The following RGL1 variants were observed in gnomAD, a reference collection of about 807,000 sequenced individuals.
RGL1 encodes ral guanine nucleotide dissociation stimulator like 1, also known as ral guanine nucleotide dissociation stimulator-like 1.
RGL1 carries 24 observed loss-of-function variants against 95.2 expected under a neutral mutation model. That is an observed-to-expected ratio of 0.25 (90% CI 0.18 to 0.35). The LOEUF (loss-of-function observed/expected upper bound fraction) is 0.35. Ranked by LOEUF, RGL1 falls within the 10% of genes least tolerant of loss-of-function variation. The pLI is 1.00. For missense variants in RGL1, 715 were observed against 936.3 expected, an observed-to-expected ratio of 0.76 and a Z score of 3.08; for synonymous variants, 329 against 344.9, an observed-to-expected ratio of 0.95 and a Z score of 0.51.
chr1:183,746,810 C>T (rs1657667050), intron 2 of RGL1, among the ~76,000 whole-genome samples: 1 of 152,034 alleles, frequency 6.6e-6, no homozygotes, highest in Non-Finnish European at 1.5e-5. Flanking sequence ...CCCCATCCCC[C>T]AACAGGCCTA....
intron 1 of RGL1, among the ~76,000 whole-genome samples, chr1:183,732,623 A>G (rs1044377174): frequency 6.6e-6 from 1 of 152,202 alleles, no homozygotes; most frequent in African/African-American, 2.4e-5. Context: ...TAGTGAAAAT[A>G]TAATCTAGGA....
intron 6 of RGL1, among the ~76,000 whole-genome samples, chr1:183,884,163 G>A (rs1326151825): frequency 2.0e-5 from 3 of 152,172 alleles, no homozygotes; most frequent in African/African-American, 4.8e-5. Flanking sequence ...ATAAGAATTC[G>A]AATCCCTGTG....
chr1:183,888,009 A>G (rs73047588), intron 7 of RGL1, among the ~76,000 whole-genome samples: 2,125 of 152,288 alleles, frequency 0.014, 65 homozygotes, highest in African/African-American at 0.049. Context: ...TTGCCAAATT[A>G]TATACACCTC....
chr1:183,847,065 G>A (rs1452586388), intron 2 of RGL1, among the ~76,000 whole-genome samples: 1 of 152,090 alleles, frequency 6.6e-6, no homozygotes, highest in Non-Finnish European at 1.5e-5. Flanking sequence ...AGAAAGGTAG[G>A]AAACACGCAT....
At chr1:183,858,762 G>C (rs1280948556) in intron 3 of RGL1, among the ~76,000 whole-genome samples, 1 of 151,994 alleles carries the variant, frequency 6.6e-6, no homozygotes, top group Non-Finnish European at 1.5e-5. Context: ...CAATTCTTTT[G>C]CCTTTGGCCT....
intron 15 of RGL1, among the ~76,000 whole-genome samples, chr1:183,915,543 C>T (rs1365567892): frequency 6.6e-6 from 1 of 152,194 alleles, no homozygotes; most frequent in Non-Finnish European, 1.5e-5. Flanking sequence ...GTTGGCTCTA[C>T]TAGCAAATGT....
chr1:183,891,042 G>A (rs1001865479), intron 8 of RGL1, among the ~76,000 whole-genome samples: 2 of 152,048 alleles, frequency 1.3e-5, no homozygotes, highest in African/African-American at 2.4e-5. Context: ...GACATTTGTC[G>A]CTTTAAGTAG....
In RGL1 at chr1:183,910,731, C is replaced by A. The variant is rs139752884; in HGVS notation, c.1563-1351C>A. On this transcript the variant is annotated intron_variant, in intron 14 of 17. Transcript: ENST00000360851. ...ATTTTTTTCTTCAAGTTATTTAATCCTTCCACTGAGGTTTTAGTTTAAGTC... is the reference window on the plus strand; with the variant it reads ...ATTTTTTTCTTCAAGTTATTTAATCATTCCACTGAGGTTTTAGTTTAAGTC... 6.6e-5 allele frequency among the ~76,000 whole-genome samples: 10 copies of A among 152,156 alleles called. No homozygotes were observed. The East Asian group carries it at 1.9e-3, about 29-fold the overall frequency.
At chr1:183,924,635 A>T (rs531289255) in intron 17 of RGL1, among the ~76,000 whole-genome samples, 5 of 152,200 alleles carry the variant, frequency 3.3e-5, no homozygotes, top group South Asian at 2.1e-4. Flanking sequence ...AAAATAAAAT[A>T]AAAATTAAAA....
At chr1:183,921,805 C>A (rs117880448) in intron 16 of RGL1, among the ~76,000 whole-genome samples, 1 of 152,154 alleles carries the variant, frequency 6.6e-6, no homozygotes, top group Non-Finnish European at 1.5e-5. Flanking sequence ...GGCAGAACTG[C>A]GACCATTTTT....
chr1:183,855,447 T>C (rs79361499), intron 3 of RGL1, among the ~76,000 whole-genome samples: 3,396 of 152,336 alleles, frequency 0.022, 115 homozygotes, highest in African/African-American at 0.072. Flanking sequence ...ATAATTGAAT[T>C]TTTTATTTAG....
At chr1:183,868,088 C>T (rs762005547) in intron 4 of RGL1, among the ~76,000 whole-genome samples, 2 of 152,128 alleles carry the variant, frequency 1.3e-5, no homozygotes, top group African/African-American at 2.4e-5. Flanking sequence ...GAGGAGGTTA[C>T]CTTTGATCTG....
At chr1:183,675,075 G>C (rs2102062412) in intron 1 of RGL1, among the ~76,000 whole-genome samples, 1 of 152,266 alleles carries the variant, frequency 6.6e-6, no homozygotes. Flanking sequence ...TGATCATCCA[G>C]AATGATCCAA....
intron 2 of RGL1, among the ~76,000 whole-genome samples, chr1:183,747,675 G>T (rs1045092129): frequency 2.0e-5 from 3 of 152,142 alleles, no homozygotes; most frequent in African/African-American, 7.2e-5. Flanking sequence ...TGCATTCCAG[G>T]GATGAAGCCA....
chr1:183,757,366 G>C (rs1658405154), intron 2 of RGL1, among the ~76,000 whole-genome samples: 1 of 152,186 alleles, frequency 6.6e-6, no homozygotes, highest in African/African-American at 2.4e-5. Context: ...GGCAATTTAG[G>C]CAAGCAGTGG....
intron 9 of RGL1, among the ~76,000 whole-genome samples, chr1:183,895,201 T>C (rs1467074463): frequency 2.0e-5 from 3 of 152,214 alleles, no homozygotes; most frequent in Non-Finnish European, 4.4e-5. Flanking sequence ...CTATAATTGC[T>C]GGTAGCTACT....
intron 2 of RGL1, among the ~76,000 whole-genome samples, chr1:183,808,109 A>G (rs1661464314): frequency 6.6e-6 from 1 of 152,198 alleles, no homozygotes; most frequent in Non-Finnish European, 1.5e-5. Context: ...ATACAACATT[A>G]GTTATGAGTA....
At chr1:183,663,277 C>T (rs1651778016) in intron 1 of RGL1, among the ~76,000 whole-genome samples, 1 of 151,602 alleles carries the variant, frequency 6.6e-6, no homozygotes, top group Non-Finnish European at 1.5e-5. Flanking sequence ...GAACAGGCAA[C>T]CTACAAAATG....
intron 1 of RGL1, among the ~76,000 whole-genome samples, chr1:183,714,371 G>A (rs1298412909): frequency 6.6e-6 from 1 of 152,120 alleles, no homozygotes. Context: ...GACTAATTTA[G>A]TATAAAAGAT....
Sources: gnomAD v4.1 joint callset for allele counts (sites outside exome capture counted in the v4.1 genomes callset) on GRCh38, gnomAD v4.1.1 for gene constraint, MANE v1.5 for transcripts, NCBI Gene and HGNC (gene_info 2026-07-23, HGNC 2026-07-21) for gene names.